COG6: variants seen among roughly 807,000 people sequenced by gnomAD.
COG6 encodes conserved oligomeric Golgi complex subunit 6.
Under a neutral mutation model 88.8 loss-of-function variants are expected in COG6, and 74 were observed. The observed-to-expected ratio is 0.83, with a 90% confidence interval of 0.69 to 1.01. The LOEUF (loss-of-function observed/expected upper bound fraction) is 1.01. Ranked by LOEUF, COG6 falls within the 50% of genes least tolerant of loss-of-function variation. The pLI, the probability that COG6 is intolerant of heterozygous loss-of-function variation, is 0.00. For synonymous variants in COG6, 286 were observed against 278.7 expected (o/e 1.03, Z -0.26); for missense variants, 800 against 797.9 (o/e 1.00, Z -0.03).
intron 17 of COG6, among the ~76,000 whole-genome samples, chr13:39,725,756 A>C (rs1566197860): frequency 6.6e-6 from 1 of 151,942 alleles, no homozygotes; most frequent in Non-Finnish European, 1.5e-5. Context: ...AAAAGTTTAA[A>C]TAAAAATAGA....
exon 19 of COG6, chr13:39,789,564 C>CACCTGCTCCACCCTGACTCATTCCAATT (rs56924181): frequency 2.7e-5 from 4 of 149,522 alleles, no homozygotes; most frequent in Non-Finnish European, 6.0e-5. Flanking sequence ...TCATTCCCAT[C>CACCTGCTCCACCCTGACTCATTCCAATT]ACCTGCTCCA....
chr13:39,694,845 C>G, intron 12 of COG6, 120 bp downstream of exon 12: 1 of 551,094 alleles, frequency 1.8e-6, no homozygotes, highest in Non-Finnish European at 3.3e-6. Flanking sequence ...ATAGACTAAG[C>G]GTAACTAGTA....
chr13:39,722,617 CAAAAAA>C (rs67889057), intron 15 of COG6, among the ~76,000 whole-genome samples: 1 of 105,834 alleles, frequency 9.4e-6, no homozygotes, highest in Non-Finnish European at 2.0e-5. Context: ...TGTACTGGCA[CAAAAAA>C]AAAAAAAAAA....
At chr13:39,776,748 AT>A (rs1277400532) in intron 18 of COG6, among the ~76,000 whole-genome samples, 1 of 152,178 alleles carries the variant, frequency 6.6e-6, no homozygotes, top group Non-Finnish European at 1.5e-5. Flanking sequence ...GTTATAGGGA[AT>A]TTACCACTTC....
chr13:39,747,208 ATACT>A (rs1195972574), intron 18 of COG6, among the ~76,000 whole-genome samples: 1 of 152,170 alleles, frequency 6.6e-6, no homozygotes, highest in African/African-American at 2.4e-5. Flanking sequence ...TGATTAGAAA[ATACT>A]TAATAAAAGT....
intron 18 of COG6, among the ~76,000 whole-genome samples, chr13:39,760,255 G>A (rs987950443): frequency 6.6e-6 from 1 of 151,984 alleles, no homozygotes; most frequent in African/African-American, 2.4e-5. Context: ...GTGCTAGCTG[G>A]GCCTCCAGTG....
rs544219442 is a variant in COG6, at chr13:39,765,198, ATC to A, written c.1827-23129_1827-23128del. Among the ~76,000 whole-genome samples, 144 of 152,278 alleles carry A rather than the reference ATC, an allele frequency of 9.5e-4. 1 individual carries two copies. Among genetic ancestry groups the A allele is most frequent in the African/African-American group, 3.3e-3 (139 of 41,570 alleles). On this transcript the variant is annotated intron_variant, in intron 18 of 18. Coordinates refer to the COG6 transcript ENST00000416691. ...ACTTCCTTCTGCCATGCCCTCTGAT[ATC>A]TCTCTCTTTCTGTCTCCTATTCCAC...
intron 12 of COG6, among the ~76,000 whole-genome samples, chr13:39,696,166 T>TG (rs1470288150): frequency 7.0e-4 from 1 of 1,420 alleles, no homozygotes; most frequent in Non-Finnish European, 4.5e-3. Context: ...AATCTTTTTT[T>TG]ATTGATTGCA....
At chr13:39,660,758 ATCT>A (rs1190421112) in intron 2 of COG6, 49 bp from the exon 3 acceptor site, 28 of 1,174,842 alleles carry the variant, frequency 2.4e-5, no homozygotes, top group Middle Eastern at 2.0e-4. Flanking sequence ...ACAGAAGAGA[ATCT>A]TCTTCTTGCT....
rs566660228 is a variant in COG6 at position 39,763,700 on chromosome 13, C to T, written c.1827-24635C>T. ...TTGGGGAGAATTGATATCTGTGCCT[C>T]CCCCCTTTTACTTACTTAATATGGA... On this transcript the variant is annotated intron_variant, in intron 18 of 18. Transcript: ENST00000416691. Among the ~76,000 whole-genome samples, 32 of 151,818 alleles carry T rather than the reference C, an allele frequency of 2.1e-4. No homozygotes were observed. In the Middle Eastern group the frequency reaches 0.014, roughly 65 times the overall value.
chr13:39,777,448 T>G (rs948058049), intron 18 of COG6, among the ~76,000 whole-genome samples: 5 of 152,080 alleles, frequency 3.3e-5, no homozygotes, highest in Non-Finnish European at 5.9e-5. Context: ...CTACATAAAG[T>G]TTAATGTTAT....
At chr13:39,679,482 A>G in intron 5 of COG6, 56 bp from the exon 6 acceptor site, 1 of 986,410 alleles carries the variant, frequency 1.0e-6, no homozygotes, top group South Asian at 1.3e-5. Context: ...TTTCAGTTTT[A>G]AATAATGCAA....
intron 18 of COG6, among the ~76,000 whole-genome samples, chr13:39,743,729 G>A (rs1433690447): frequency 1.3e-5 from 2 of 152,140 alleles, no homozygotes; most frequent in African/African-American, 4.8e-5. Flanking sequence ...TAGAAAAAGA[G>A]GGAATCCTCC....
intron 18 of COG6, among the ~76,000 whole-genome samples, chr13:39,745,823 G>A (rs535178206): frequency 2.0e-5 from 3 of 152,218 alleles, no homozygotes; most frequent in South Asian, 2.1e-4. Context: ...GCAAAGACTT[G>A]GAACCAACCC....
intron 3 of COG6, 23 bp downstream of exon 3, chr13:39,660,904 TG>T: frequency 7.1e-7 from 1 of 1,416,988 alleles, no homozygotes; most frequent in Non-Finnish European, 1.0e-6. Context: ...GGCTAGATTT[TG>T]GCATAGTTCC....
At chr13:39,738,860 A>G (rs1453456672) in intron 18 of COG6, among the ~76,000 whole-genome samples, 2 of 152,158 alleles carry the variant, frequency 1.3e-5, no homozygotes, top group Non-Finnish European at 2.9e-5. Flanking sequence ...TGTGCATTTA[A>G]TAGCAGAGCT....
intron 18 of COG6, among the ~76,000 whole-genome samples, chr13:39,759,606 ATACT>A (rs1370596692): frequency 7.9e-5 from 12 of 152,174 alleles, no homozygotes; most frequent in South Asian, 2.1e-4. Flanking sequence ...TTGAATTTGC[ATACT>A]TACTTCACCT....
At chr13:39,731,401 T>G (rs548198056) in intron 18 of COG6, among the ~76,000 whole-genome samples, 5 of 152,350 alleles carry the variant, frequency 3.3e-5, no homozygotes, top group Non-Finnish European at 5.9e-5. Flanking sequence ...TTTTAAAGAA[T>G]TCTTCCCTTT....
intron 18 of COG6, among the ~76,000 whole-genome samples, chr13:39,729,940 G>A (rs544795778): frequency 9.9e-5 from 15 of 152,132 alleles, no homozygotes; most frequent in South Asian, 2.1e-4. Flanking sequence ...GGATCTATTC[G>A]AGTCGTTTGC....
Sources: allele counts gnomAD v4.1 joint callset (sites outside exome capture counted in the v4.1 genomes callset), GRCh38; gene constraint gnomAD v4.1.1; transcripts MANE v1.5; gene names NCBI Gene and HGNC (gene_info 2026-07-23, HGNC 2026-07-21).